The following LGR5 variants were observed in gnomAD, a reference collection of about 807,000 sequenced individuals.
LGR5 encodes leucine rich repeat containing G protein-coupled receptor 5, also known as leucine-rich repeat-containing G protein-coupled receptor 5.
In LGR5, 54 loss-of-function variants were observed where a neutral mutation model predicts 76.7. That is an observed-to-expected ratio of 0.70 (90% CI 0.57 to 0.88). The LOEUF is 0.88. Ranked by LOEUF, LGR5 falls within the 40% of genes least tolerant of loss-of-function variation. The pLI is 0.00. For missense variants in LGR5, 1,078 were observed against 1,073.3 expected (o/e 1.00, Z -0.06); for synonymous variants, 406 against 421.9 (o/e 0.96, Z 0.46).
At chr12:71,504,097 C>T (rs183826697) in intron 1 of LGR5, among the ~76,000 whole-genome samples, 1 of 152,060 alleles carries the variant, frequency 6.6e-6, no homozygotes, top group Admixed American at 6.5e-5. Context: ...GCAAAAGGAA[C>T]ATGTTAGAAG....
chr12:71,573,260 G>A (rs746530341), intron 13 of LGR5, among the ~76,000 whole-genome samples: 1 of 152,080 alleles, frequency 6.6e-6, no homozygotes. Flanking sequence ...AATTCTATCT[G>A]CCTGCTTTTT....
Position 71,493,383 on chromosome 12 carries a change from G to T in LGR5, c.213-11231G>T, listed in dbSNP as rs547443012. On this transcript the variant is annotated intron_variant, in intron 1 of 17. Coordinates refer to ENST00000266674, the MANE Select transcript of LGR5 (RefSeq NM_003667.4). ...ACACAGGGTCATAGACTCCTATGAG[G>T]ATTCTCAATTCCTCAGAAAATTTTT... Among the ~76,000 whole-genome samples, 20 of 151,332 alleles carry T rather than the reference G, an allele frequency of 1.3e-4. No homozygotes were observed. The East Asian group carries it at 3.7e-3, about 28-fold the overall frequency.
In LGR5 at chr12:71,544,087, C is replaced by A. The variant is rs11178844; in HGVS notation, c.428+8901C>A. ...ATGTGATTTGACTTTAAAATATATTCCTTATTGGAGTCTTGCACTCCTCAA... is the reference window on the plus strand; with the variant it reads ...ATGTGATTTGACTTTAAAATATATTACTTATTGGAGTCTTGCACTCCTCAA... On this transcript the variant is annotated intron_variant, in intron 4 of 17. Transcript: ENST00000266674. 1.1e-4 allele frequency among the ~76,000 whole-genome samples: 16 copies of A among 152,156 alleles called. 1 individual carries two copies. In the East Asian group the frequency reaches 3.1e-3, roughly 29 times the overall value.
At chr12:71,439,466 C>A (rs556390770), upstream of LGR5, among the ~76,000 whole-genome samples, 6 of 152,148 alleles carry the variant, frequency 3.9e-5, no homozygotes, top group Non-Finnish European at 8.8e-5. Context: ...CTGTTTAGGT[C>A]TCTCCGAAGC....
chr12:71,519,149 A>G (rs775279154), intron 2 of LGR5, among the ~76,000 whole-genome samples: 1 of 152,042 alleles, frequency 6.6e-6, no homozygotes, highest in Non-Finnish European at 1.5e-5. Flanking sequence ...ATTCCACTCC[A>G]GCCATGCTCG....
In LGR5 at chr12:71,548,752, T is replaced by C. The variant is rs541737283; in HGVS notation, c.429-4321T>C. Among the ~76,000 whole-genome samples, 49 of 152,082 alleles carry C rather than the reference T, an allele frequency of 3.2e-4. No individual in the cohort carries two copies. The South Asian group carries it at 1.0e-2, about 31-fold the overall frequency. ...GGCCAAGGTCATACAGCTTCTAGAATTGGCTGGAACCTGGTACTTCCCATT... is the reference window on the plus strand; with the variant it reads ...GGCCAAGGTCATACAGCTTCTAGAACTGGCTGGAACCTGGTACTTCCCATT... On this transcript the variant is annotated intron_variant, in intron 4 of 17. Transcript: ENST00000266674.
intron 4 of LGR5, among the ~76,000 whole-genome samples, chr12:71,539,972 T>C (rs17227228): frequency 0.049 from 7,410 of 152,284 alleles, 244 homozygotes; most frequent in Non-Finnish European, 0.074. Context: ...CCTAATTTCC[T>C]TTCTGTTTTT....
At chr12:71,489,292 G>A (rs1281235924) in intron 1 of LGR5, among the ~76,000 whole-genome samples, 2 of 152,154 alleles carry the variant, frequency 1.3e-5, no homozygotes, top group Non-Finnish European at 2.9e-5. Flanking sequence ...ATACAATGAT[G>A]AGTAATGGCG....
At chr12:71,457,214 C>G (rs1278379824) in intron 1 of LGR5, among the ~76,000 whole-genome samples, 1 of 152,146 alleles carries the variant, frequency 6.6e-6, no homozygotes, top group African/African-American at 2.4e-5. Context: ...GAACCATTGT[C>G]CAAGCCGCAG....
intron 11 of LGR5, among the ~76,000 whole-genome samples, chr12:71,567,752 T>C (rs1421935863): frequency 6.6e-6 from 1 of 152,148 alleles, no homozygotes; most frequent in African/African-American, 2.4e-5. Context: ...CAGACTCCAG[T>C]TGCTCAATGA....
At chr12:71,469,362 T>C (rs1872993506) in intron 1 of LGR5, among the ~76,000 whole-genome samples, 1 of 152,256 alleles carries the variant, frequency 6.6e-6, no homozygotes, top group Non-Finnish European at 1.5e-5. Flanking sequence ...GGTGATTTCA[T>C]AAACAGGGCA....
At chr12:71,468,904 GT>G (rs1324396333) in intron 1 of LGR5, among the ~76,000 whole-genome samples, 2 of 152,010 alleles carry the variant, frequency 1.3e-5, no homozygotes, top group Non-Finnish European at 2.9e-5. Flanking sequence ...AATTGTGTAT[GT>G]TGAGAATATC....
At chr12:71,452,913 A>C (rs1021178126) in intron 1 of LGR5, among the ~76,000 whole-genome samples, 1 of 152,202 alleles carries the variant, frequency 6.6e-6, no homozygotes, top group East Asian at 1.9e-4. Flanking sequence ...GATGCATTAA[A>C]TGTTAGGTGT....
At position 71,574,159 on chromosome 12, in the gene LGR5, C is replaced by T. The variant is rs139579431; in HGVS notation, c.1208+1238C>T. Among the ~76,000 whole-genome samples the T allele has an allele frequency of 3.6e-4, 54 of 151,534 alleles. No homozygotes were observed. In the East Asian group the frequency reaches 0.01, roughly 28 times the overall value. ...TCTACTAAAAATACAAAATATTAGC[C>T]GGGCATGGTGGCATGTGCCTGTAGT... On this transcript the variant is annotated intron_variant, in intron 13 of 17. Transcript: ENST00000266674.
chr12:71,517,956 C>T (rs1475030104), intron 2 of LGR5, among the ~76,000 whole-genome samples: 1 of 152,132 alleles, frequency 6.6e-6, no homozygotes, highest in Non-Finnish European at 1.5e-5. Context: ...TTTTCTTCCA[C>T]ACCAAATCCC....
intron 2 of LGR5, 102 bp downstream of exon 2, chr12:71,504,787 A>G: frequency 2.2e-6 from 2 of 929,712 alleles, no homozygotes; most frequent in Middle Eastern, 2.1e-4. Flanking sequence ...AAGGCAGAAA[A>G]CCTGTCAGCA....
At position 71,440,974 on chromosome 12, in the gene LGR5, G is replaced by T. The variant is rs1324062942; in HGVS notation, c.212+682G>T. On this transcript the variant is annotated intron_variant, in intron 1 of 17. Transcript: ENST00000266674. This position sits in a 1 kb window ranked among gnomAD's most constrained non-coding sequence, Gnocchi z 5.3. ...ATCTTTACCTTTGGCTGCCCGCGCC[G>T]CCCTTTGAAGTGCCCGCGGCCGCTG... is the stretch of plus-strand genomic sequence containing the variant. Among the ~76,000 whole-genome samples the T allele has an allele frequency of 6.6e-6, 1 of 151,942 alleles. No homozygotes were observed. Among genetic ancestry groups the T allele is most frequent in the Admixed American group, 6.6e-5 (1 of 15,262 alleles).
intron 2 of LGR5, among the ~76,000 whole-genome samples, chr12:71,514,888 A>G (rs1328943334): frequency 1.3e-5 from 2 of 152,288 alleles, no homozygotes; most frequent in Non-Finnish European, 2.9e-5. Context: ...GAAAATTGCA[A>G]TTTTTCAAGG....
chr12:71,571,530 C>A lies in LGR5; in HGVS notation c.1087C>A (p.Leu363Ile). The stretch of plus-strand genomic sequence containing the variant: ...GTTTTTCAGAGATCTGTCTTACAAC[C>A]TATTAGAAGATTTACCCAGTTTTTC... ...NLQVLDLSYN[L>I]LEDLPSFSVC... The change falls in exon 12 of 18, where the codon CTA becomes ATA. Residue 363 changes from leucine to isoleucine, a missense_variant. By Grantham distance (5) the Leu-to-Ile change is conservative (BLOSUM62 2). Transcript: ENST00000266674. 6.2e-7 allele frequency: 1 copy of A among 1,612,488 alleles called. No individual in the cohort carries two copies. The highest frequency in any genetic ancestry group is 8.5e-7 in the Non-Finnish European group (1 of 1,178,930).
Sources: gnomAD v4.1 joint callset for allele counts (sites outside exome capture counted in the v4.1 genomes callset) on GRCh38, gnomAD v4.1.1 for gene constraint, Gnocchi (gnomAD v3.1) non-coding constraint, MANE v1.5 for transcripts, NCBI Gene and HGNC (gene_info 2026-07-23, HGNC 2026-07-21) for gene names.